The following PTPRQ variants were observed in gnomAD, a reference collection of about 807,000 sequenced individuals.
The protein encoded by PTPRQ is protein tyrosine phosphatase receptor type Q.
In PTPRQ, 199 loss-of-function variants were observed where a neutral mutation model predicts 246.0. The ratio of observed to expected loss-of-function variants is 0.81; its 90% CI spans 0.72 to 0.91. PTPRQ has a LOEUF of 0.91. PTPRQ is among the 40% of genes least tolerant of loss of function. PTPRQ has a pLI of 0.00. For missense variants in PTPRQ, 2,624 were observed against 2,528.4 expected (o/e 1.04, Z -0.81); for synonymous variants, 869 against 853.2 (o/e 1.02, Z -0.32).
At position 80,444,747 on chromosome 12, in the gene PTPRQ, G is replaced by A; in HGVS notation, c.61G>A (p.Val21Ile). The A allele has an allele frequency of 6.5e-7, 1 of 1,538,096 alleles. No individual in the cohort carries two copies. ...FIGTSETQVDVSNVVPGTRYD... is the reference protein window; with the variant it reads ...FIGTSETQVDISNVVPGTRYD... Reference sequence around the variant, plus strand: ...TTTGTTTGTGGTGTTCTAGGTTGATGTTTCCAATGTCGTTCCTGGTACTAG... The same window carrying A: ...TTTGTTTGTGGTGTTCTAGGTTGATATTTCCAATGTCGTTCCTGGTACTAG... Residue 21 changes from valine to isoleucine, a missense_variant, in exon 2 of 45, where the codon GTT (valine) becomes ATT (isoleucine). Physicochemically the swap from Val to Ile is conservative, Grantham distance 29. Coordinates refer to ENST00000644991, the MANE Select transcript of PTPRQ (RefSeq NM_001145026.2).
intron 38 of PTPRQ, among the ~76,000 whole-genome samples, chr12:80,655,599 C>G (rs1900406682): frequency 6.6e-6 from 1 of 151,832 alleles, no homozygotes; most frequent in Admixed American, 6.6e-5. Flanking sequence ...CTGTCTCTCT[C>G]TCTCTCACAC....
rs190199793 is a variant in PTPRQ, at chr12:80,489,783, C to T, written c.1360-3492C>T. Among the ~76,000 whole-genome samples the T allele has an allele frequency of 2.6e-3, 396 of 151,966 alleles. 4 individuals carry two copies. The highest frequency in any genetic ancestry group is 8.9e-3 in the African/African-American group (368 of 41,496). On this transcript the variant is annotated intron_variant, in intron 9 of 44. Coordinates refer to ENST00000644991, the MANE Select transcript of PTPRQ (RefSeq NM_001145026.2). ...CCACTGAGACTGAAGTCTAAAAAAC[C>T]CTGAAGTCATTTCCGTGGACTGCTC...
At chr12:80,644,572 C>G (rs1900002053) in intron 35 of PTPRQ, among the ~76,000 whole-genome samples, 1 of 152,008 alleles carries the variant, frequency 6.6e-6, no homozygotes, top group African/African-American at 2.4e-5. Context: ...CCTGAAATAG[C>G]ATTGTTGATT....
In PTPRQ at chr12:80,669,436, G is replaced by A; in HGVS notation, c.6425G>A (p.Trp2142Ter). The change falls in exon 41 of 45, where the codon TGG becomes TAG. Residue 2142 changes from tryptophan (W) to a stop codon, truncating the protein, a stop_gained. Transcript: ENST00000644991. LOFTEE classifies it high-confidence loss of function. Reference protein sequence around the residue: ...TKLMEDVQIDWTIRDLKIERH... With the variant: ...TKLMEDVQID ...CTAATGGAGGATGTTCAAATAGATT[G>A]GACTATCAGGGATCTGAAAATTGAA... 6.5e-7 allele frequency: 1 copy of A among 1,546,868 alleles called. No homozygotes were observed. Among genetic ancestry groups the A allele is most frequent in the Non-Finnish European group, 8.7e-7 (1 of 1,145,052 alleles).
At chr12:80,476,362 T>A (rs1011148858) in intron 8 of PTPRQ, among the ~76,000 whole-genome samples, 2 of 152,078 alleles carry the variant, frequency 1.3e-5, no homozygotes, top group South Asian at 4.2e-4. Context: ...ATACTAGAGG[T>A]GACCTGTGCA....
chr12:80,481,799 C>T (rs1198811789), intron 8 of PTPRQ, among the ~76,000 whole-genome samples: 2 of 151,978 alleles, frequency 1.3e-5, no homozygotes, highest in Non-Finnish European at 2.9e-5. Context: ...AATAAAATAC[C>T]TAGGAATCCA....
chr12:80,641,400 C>T (rs376218443), intron 35 of PTPRQ, among the ~76,000 whole-genome samples: 2 of 152,090 alleles, frequency 1.3e-5, no homozygotes, highest in Admixed American at 6.6e-5. Flanking sequence ...AAGAAGAATC[C>T]GTCTTCATGA....
chr12:80,510,352 G>A lies in PTPRQ; in HGVS notation c.2587G>A (p.Val863Ile), dbSNP rs773713266. The change falls in exon 17 of 45, where the codon GTA (valine) becomes ATA (isoleucine). Residue 863 changes from valine (V) to isoleucine (I), a missense_variant. Coordinates refer to ENST00000644991, the MANE Select transcript of PTPRQ (RefSeq NM_001145026.2). ...TGATTCTCCCCCTCAAGACTTCTCT[G>A]TAAAACAGTTGTCTGGTGTCACGGT... ...APDSPPQDFS[V>I]KQLSGVTVKL... 2 of 1,549,246 alleles carry A rather than the reference G, an allele frequency of 1.3e-6. No individual in the cohort carries two copies. The highest frequency in any genetic ancestry group is 1.7e-6 in the Non-Finnish European group (2 of 1,145,574).
Position 80,512,744 on chromosome 12 carries a change from A to T in PTPRQ, c.2678+2301A>T, listed in dbSNP as rs942017319. On this transcript the variant is annotated intron_variant, in intron 17 of 44. Coordinates refer to ENST00000644991, the MANE Select transcript of PTPRQ (RefSeq NM_001145026.2). ...TTCGGTCTCTTTTGGGTAAATATTCAATCAATTCAAAGTTTAACTCTTCAA... is the reference window on the plus strand; with the variant it reads ...TTCGGTCTCTTTTGGGTAAATATTCTATCAATTCAAAGTTTAACTCTTCAA... 3.3e-5 allele frequency: 5 copies of T among 152,172 alleles called. No homozygotes were observed. The East Asian group carries it at 9.6e-4, about 29-fold the overall frequency. 9.4% of individuals were successfully genotyped at this position (152,172 alleles called of 1,614,324 possible).
intron 29 of PTPRQ, among the ~76,000 whole-genome samples, chr12:80,615,553 C>T (rs1201213358): frequency 1.3e-5 from 2 of 151,044 alleles, no homozygotes; most frequent in Non-Finnish European, 3.0e-5. Context: ...AAATCACCCT[C>T]TGTGTATACA....
intron 8 of PTPRQ, 101 bp downstream of exon 8, chr12:80,472,352 A>C: frequency 6.9e-7 from 1 of 1,445,882 alleles, no homozygotes; most frequent in East Asian, 2.5e-5. Flanking sequence ...CATTTACTTA[A>C]ATCATGTTAT....
chr12:80,501,642 C>T (rs967199917), intron 14 of PTPRQ, among the ~76,000 whole-genome samples: 2 of 151,868 alleles, frequency 1.3e-5, no homozygotes, highest in East Asian at 1.9e-4. Flanking sequence ...ACAGCTATGT[C>T]GTGGGCAATA....
chr12:80,539,121 A>G (rs755323892), intron 19 of PTPRQ, among the ~76,000 whole-genome samples: 1 of 151,898 alleles, frequency 6.6e-6, no homozygotes, highest in East Asian at 1.9e-4. Flanking sequence ...AAATGATTAC[A>G]TACATACCCT....
At chr12:80,502,543 G>T (rs1488731653) in intron 14 of PTPRQ, among the ~76,000 whole-genome samples, 1 of 151,898 alleles carries the variant, frequency 6.6e-6, no homozygotes, top group African/African-American at 2.4e-5. Context: ...AATTCCAATT[G>T]TAATTTTCCC....
chr12:80,515,206 TAC>T (rs1477586235), intron 17 of PTPRQ, among the ~76,000 whole-genome samples: 1 of 152,024 alleles, frequency 6.6e-6, no homozygotes, highest in African/African-American at 2.4e-5. Flanking sequence ...CATAATGTAA[TAC>T]ACATGGGTTT....
At chr12:80,528,103 A>T (rs1895743219) in intron 17 of PTPRQ, among the ~76,000 whole-genome samples, 1 of 152,200 alleles carries the variant, frequency 6.6e-6, no homozygotes, top group African/African-American at 2.4e-5. Context: ...AAATAAATAA[A>T]TAAATAAATG....
At chr12:80,636,923 T>C (rs1419377246) in intron 35 of PTPRQ, among the ~76,000 whole-genome samples, 1 of 152,182 alleles carries the variant, frequency 6.6e-6, no homozygotes, top group Non-Finnish European at 1.5e-5. Context: ...TTTCACAGCT[T>C]GCCCCTTTCT....
At chr12:80,455,810 A>G (rs1892964120) in intron 3 of PTPRQ, among the ~76,000 whole-genome samples, 1 of 151,942 alleles carries the variant, frequency 6.6e-6, no homozygotes, top group South Asian at 2.1e-4. Context: ...TATGTTGGTC[A>G]GACTGGTCTC....
chr12:80,606,863 A>G (rs1474085429), intron 27 of PTPRQ, among the ~76,000 whole-genome samples: 3 of 150,982 alleles, frequency 2.0e-5, no homozygotes, highest in Non-Finnish European at 4.5e-5. Flanking sequence ...TGCCCTGGGA[A>G]TATGCATTAA....
Sources: gnomAD v4.1 joint callset for allele counts (sites outside exome capture counted in the v4.1 genomes callset) on GRCh38, gnomAD v4.1.1 for gene constraint, MANE v1.5 for transcripts, NCBI Gene and HGNC (gene_info 2026-07-23, HGNC 2026-07-21) for gene names.